NIPAL3: variants seen among roughly 807,000 people sequenced by gnomAD.
NIPAL3 encodes NIPA like domain containing 3, also known as NIPA-like protein 3.
In NIPAL3, 41 loss-of-function variants were observed where a neutral mutation model predicts 47.2. That is an observed-to-expected ratio of 0.87 (90% CI 0.68 to 1.13). NIPAL3 has a LOEUF of 1.13. Ranked by LOEUF, NIPAL3 falls within the 50% of genes most tolerant of loss-of-function variation. The pLI, the probability that NIPAL3 is intolerant of heterozygous loss-of-function variation, is 0.00. For missense variants in NIPAL3, 449 were observed against 530.1 expected, an observed-to-expected ratio of 0.85 and a Z score of 1.50; for synonymous variants, 194 against 209.6, an observed-to-expected ratio of 0.93 and a Z score of 0.64.
At chr1:24,467,974 G>A (rs1646770056) in intron 11 of NIPAL3, among the ~76,000 whole-genome samples, 1 of 152,168 alleles carries the variant, frequency 6.6e-6, no homozygotes, top group African/African-American at 2.4e-5. Flanking sequence ...CCTGAAGGCA[G>A]AATCTGAAGT....
intron 5 of NIPAL3, 65 bp downstream of exon 5, chr1:24,445,309 C>A (rs1285352354): frequency 3.5e-6 from 4 of 1,152,564 alleles, no homozygotes. Context: ...ATTGTAAAAC[C>A]AGTTCACTCT....
At chr1:24,429,239 G>A (rs1335178480) in intron 2 of NIPAL3, among the ~76,000 whole-genome samples, 1 of 152,050 alleles carries the variant, frequency 6.6e-6, no homozygotes, top group South Asian at 2.1e-4. Context: ...GAGAAACCCC[G>A]TCTCTACTAA....
chr1:24,449,493 T>G lies in NIPAL3; in HGVS notation c.407T>G (p.Leu136Trp). Residue 136 changes from leucine to tryptophan, a missense_variant, in exon 6 of 12, where the codon TTG becomes TGG. Leu to Trp is a moderately conservative substitution (Grantham distance 61). Coordinates refer to ENST00000374399, the MANE Select transcript of NIPAL3 (RefSeq NM_020448.5). The surrounding 1 kb of genome is among the most constrained non-coding windows in gnomAD (Gnocchi z 4.5). ...KPKDFLRRYV[L>W]SFVGCGLAVV... ...CTCTTCCCCGCAGGGCGCTACGTCT[T>G]GTCCTTTGTTGGCTGCGGTTTGGCT... 6.2e-7 allele frequency: 1 copy of G among 1,613,708 alleles called. No homozygotes were observed.
chr1:24,443,473 T>C (rs1364696151), intron 4 of NIPAL3, among the ~76,000 whole-genome samples: 1 of 152,232 alleles, frequency 6.6e-6, no homozygotes, highest in Non-Finnish European at 1.5e-5. Context: ...ATGGTAACTA[T>C]GTGCCCCTCC....
intron 2 of NIPAL3, among the ~76,000 whole-genome samples, chr1:24,436,553 A>G (rs1042853495): frequency 2.6e-5 from 4 of 151,682 alleles, no homozygotes; most frequent in African/African-American, 9.7e-5. Context: ...CAATGGTGCA[A>G]TCTCGGCTCT....
chr1:24,447,986 G>T lies in NIPAL3; in HGVS notation c.395-1495G>T, dbSNP rs75941425. On this transcript the variant is annotated intron_variant, in intron 5 of 11. Transcript: ENST00000374399. ...GCTAGACCTGTGTTGGACGCTGCAGGTGTGGAGATGAGTAAGACCCATCCC... is the reference window on the plus strand; with the variant it reads ...GCTAGACCTGTGTTGGACGCTGCAGTTGTGGAGATGAGTAAGACCCATCCC... 2.9e-3 allele frequency among the ~76,000 whole-genome samples: 440 copies of T among 152,358 alleles called. 1 individual carries two copies. The highest frequency in any genetic ancestry group is 0.01 in the African/African-American group (424 of 41,582).
In NIPAL3 at chr1:24,459,668, A is replaced by G. The variant is rs573132985; in HGVS notation, c.862+692A>G. 2.2e-4 allele frequency among the ~76,000 whole-genome samples: 33 copies of G among 152,354 alleles called. 1 individual carries two copies. The highest frequency in any genetic ancestry group is 2.1e-3 in the Admixed American group (32 of 15,300). On this transcript the variant is annotated intron_variant, in intron 9 of 11. Coordinates refer to ENST00000374399, the MANE Select transcript of NIPAL3 (RefSeq NM_020448.5). ...AAGTGGTGCCGCAGTTCCTGTCTAC[A>G]CAGGAGGAACACACGAGGCGCACAG...
intron 4 of NIPAL3, among the ~76,000 whole-genome samples, chr1:24,442,783 T>A (rs1271737126): frequency 1.3e-5 from 2 of 152,076 alleles, no homozygotes; most frequent in Non-Finnish European, 2.9e-5. Flanking sequence ...AGACCCCATC[T>A]CTACAAAATG....
In NIPAL3 at chr1:24,416,450, C is replaced by A; in HGVS notation, c.-258+546C>A. On this transcript the variant is annotated intron_variant, in intron 1 of 11. Transcript: ENST00000374399. This position sits in a 1 kb window ranked among gnomAD's most constrained non-coding sequence, Gnocchi z 4.8. ...AAAGAGCGTGTTTTATTGATTTGTT[C>A]AGAAAGAGGCAAATTCGAATACAGA... 3 of 530,902 alleles carry A rather than the reference C, an allele frequency of 5.7e-6. No individual in the cohort carries two copies. The highest frequency in any genetic ancestry group is 7.2e-6 in the Non-Finnish European group (3 of 414,488). The allele number at this position is 530,902 out of a possible 1,614,324, so 32.9% of individuals were successfully genotyped here.
At chr1:24,433,265 C>A (rs1644956526) in intron 2 of NIPAL3, 1 of 152,248 alleles carries the variant, frequency 6.6e-6, no homozygotes, top group Admixed American at 6.5e-5. Context: ...ACACTCCACA[C>A]ACTTATTGTG....
chr1:24,457,618 A>C (rs1646275818), intron 8 of NIPAL3: 4 of 402,818 alleles, frequency 9.9e-6, no homozygotes, highest in South Asian at 7.6e-5. Flanking sequence ...TTTGCATACG[A>C]GGAACTGATG....
chr1:24,462,132 C>A (rs956367688), intron 10 of NIPAL3, among the ~76,000 whole-genome samples: 5 of 152,106 alleles, frequency 3.3e-5, no homozygotes, highest in African/African-American at 1.2e-4. Flanking sequence ...AAGTGCCAAG[C>A]AAAGGGGGAA....
Position 24,449,773 on chromosome 1 carries a change from A to G in NIPAL3, c.540+147A>G. The G allele has an allele frequency of 2.4e-6, 2 of 828,032 alleles. No homozygotes were observed. Among genetic ancestry groups the G allele is most frequent in the Admixed American group, 2.9e-5 (1 of 34,228 alleles). The allele number at this position is 828,032 out of a possible 1,614,324, so 51.3% of individuals were successfully genotyped here. A position where few individuals can be genotyped will look rare whatever the true frequency, so the allele number is the denominator to read the frequency against. On this transcript the variant is annotated intron_variant, in intron 6 of 11. Transcript: ENST00000374399. This position sits in a 1 kb window ranked among gnomAD's most constrained non-coding sequence, Gnocchi z 4.5. ...GAAAGACCGTGCTTCTGGAGAGTAC[A>G]CAGCTCATGGCGAAATGCTTGTTTC... is the stretch of plus-strand genomic sequence containing the variant.
Position 24,449,666 on chromosome 1 carries a change from A to C in NIPAL3, c.540+40A>C. 6.3e-7 allele frequency: 1 copy of C among 1,590,570 alleles called. No individual in the cohort carries two copies. The highest frequency in any genetic ancestry group is 2.2e-5 in the East Asian group (1 of 44,506). Reference sequence around the variant, plus strand: ...CAGTCGTTCCCCCTGAGATGGCAGGAGGGAGATCAAGTCCTAGAAACCAGA... The same window carrying C: ...CAGTCGTTCCCCCTGAGATGGCAGGCGGGAGATCAAGTCCTAGAAACCAGA... On this transcript the variant is annotated intron_variant, in intron 6 of 11. Transcript: ENST00000374399. This position sits in a 1 kb window ranked among gnomAD's most constrained non-coding sequence, Gnocchi z 4.5.
chr1:24,421,697 C>A (rs770102032), intron 2 of NIPAL3: 5 of 152,236 alleles, frequency 3.3e-5, no homozygotes, highest in African/African-American at 4.8e-5. Context: ...GTAACTGCCT[C>A]CTGGTGGTGG....
intron 2 of NIPAL3, among the ~76,000 whole-genome samples, chr1:24,432,197 T>A (rs1201216758): frequency 6.6e-6 from 1 of 152,184 alleles, no homozygotes; most frequent in Non-Finnish European, 1.5e-5. Flanking sequence ...TGGCACAACC[T>A]CGGCTCACTG....
At chr1:24,444,305 C>T (rs1433932947) in intron 4 of NIPAL3, among the ~76,000 whole-genome samples, 1 of 151,842 alleles carries the variant, frequency 6.6e-6, no homozygotes, top group Non-Finnish European at 1.5e-5. Context: ...GGCTGGTAAA[C>T]CACCTCTCAG....
intron 2 of NIPAL3, among the ~76,000 whole-genome samples, chr1:24,426,141 G>A (rs1019367518): frequency 7.2e-5 from 11 of 152,166 alleles, no homozygotes; most frequent in South Asian, 2.1e-4. Flanking sequence ...AATGGGTAGC[G>A]TAGTTGGGGT....
At chr1:24,468,651 G>T (rs1189804888) in intron 11 of NIPAL3, among the ~76,000 whole-genome samples, 11 of 152,112 alleles carry the variant, frequency 7.2e-5, no homozygotes, top group Admixed American at 7.2e-4. Flanking sequence ...TGAAGCATTG[G>T]CATCTACCAC....
Sources: gnomAD v4.1 joint callset for allele counts (sites outside exome capture counted in the v4.1 genomes callset) on GRCh38, gnomAD v4.1.1 for gene constraint, Gnocchi (gnomAD v3.1) non-coding constraint, MANE v1.5 for transcripts, NCBI Gene and HGNC (gene_info 2026-07-23, HGNC 2026-07-21) for gene names.